ZFHX3: variants seen among roughly 807,000 people sequenced by gnomAD.
ZFHX3 encodes the protein zinc finger homeobox protein 3.
Under a neutral mutation model 279.1 loss-of-function variants are expected in ZFHX3, and 42 were observed. That is an observed-to-expected ratio of 0.15 (90% confidence interval 0.12 to 0.19). The LOEUF is 0.19. Among genes scored for constraint, ZFHX3 ranks in the 10% least tolerant of loss-of-function variants. The probability of loss-of-function intolerance (pLI) is 1.00; values close to 1 mark genes in which losing one functional copy is unlikely to be tolerated. For synonymous variants in ZFHX3, 2,293 were observed against 1,957.8 expected, an observed-to-expected ratio of 1.17 and a Z score of -4.52; for missense variants, 4,981 against 4,754.0, an observed-to-expected ratio of 1.05 and a Z score of -1.40.
chr16:73,395,716 T>C (rs1452731753), intron 3 of ZFHX3, among the ~76,000 whole-genome samples: 1 of 150,548 alleles, frequency 6.6e-6, no homozygotes, highest in African/African-American at 2.4e-5. Context: ...TCATAAGTGA[T>C]TATGTGCCTA....
upstream of ZFHX3, among the ~76,000 whole-genome samples, chr16:73,051,272 C>T (rs1400406411): frequency 6.6e-6 from 1 of 152,158 alleles, no homozygotes; most frequent in East Asian, 1.9e-4. Flanking sequence ...GGGCAAGAAA[C>T]AAAAACAAAC....
chr16:73,306,582 G>A (rs1429167459), intron 4 of ZFHX3, among the ~76,000 whole-genome samples: 7 of 152,136 alleles, frequency 4.6e-5, no homozygotes, highest in Non-Finnish European at 7.3e-5. Context: ...CTTGGCCTCC[G>A]AAAGTGCTGG....
intron 8 of ZFHX3, among the ~76,000 whole-genome samples, chr16:73,064,853 C>T (rs1391923223): frequency 3.3e-5 from 5 of 152,346 alleles, no homozygotes; most frequent in Admixed American, 2.6e-4. Context: ...GTGGCTCTCC[C>T]GGGTTCCACA....
intron 1 of ZFHX3, among the ~76,000 whole-genome samples, chr16:73,844,991 C>T (rs1410181136): frequency 6.6e-6 from 1 of 152,054 alleles, no homozygotes; most frequent in Non-Finnish European, 1.5e-5. Context: ...TAACAAAAGG[C>T]TGCTGGAACC....
At chr16:73,511,233 T>C (rs903694784) in intron 2 of ZFHX3, among the ~76,000 whole-genome samples, 1 of 152,220 alleles carries the variant, frequency 6.6e-6, no homozygotes, top group Admixed American at 6.5e-5. Context: ...TACTATTCAC[T>C]CATAGCAGTG....
chr16:73,886,367 G>T (rs1199534429), intron 1 of ZFHX3, among the ~76,000 whole-genome samples: 1 of 151,994 alleles, frequency 6.6e-6, no homozygotes, highest in African/African-American at 2.4e-5. Flanking sequence ...CCTCAAAAAA[G>T]CTTACATTTG....
chr16:73,648,514 T>C (rs796473948), intron 2 of ZFHX3, among the ~76,000 whole-genome samples: 2 of 152,194 alleles, frequency 1.3e-5, no homozygotes, highest in African/African-American at 4.8e-5. Flanking sequence ...TTCAGCCTCC[T>C]GAGTACCTGG....
chr16:73,370,433 G>C (rs866901127), intron 3 of ZFHX3, among the ~76,000 whole-genome samples: 20 of 152,318 alleles, frequency 1.3e-4, no homozygotes, highest in African/African-American at 4.8e-4. Flanking sequence ...AGAGCTTCAG[G>C]GCAGTGGGGA....
chr16:72,806,564 T>C (rs2036273508), intron 7 of ZFHX3, among the ~76,000 whole-genome samples: 1 of 152,144 alleles, frequency 6.6e-6, no homozygotes, highest in Non-Finnish European at 1.5e-5. Flanking sequence ...CCTCTTAAGA[T>C]ACAGGCAAAG....
intron 1 of ZFHX3, among the ~76,000 whole-genome samples, chr16:73,688,934 T>C (rs748182402): frequency 3.3e-5 from 5 of 152,176 alleles, no homozygotes; most frequent in Non-Finnish European, 7.3e-5. Context: ...TCCACCATGA[T>C]TGTGAGGCCT....
At chr16:73,891,770 CTCTCTT>C (rs1205169870) in exon 1 of ZFHX3, 2 of 142,998 alleles carry the variant, frequency 1.4e-5, no homozygotes, top group African/African-American at 2.5e-5. Flanking sequence ...CTCTCTCTCT[CTCTCTT>C]CCTCCTCCTC....
At chr16:73,599,277 G>A (rs779073541) in intron 2 of ZFHX3, among the ~76,000 whole-genome samples, 6 of 152,170 alleles carry the variant, frequency 3.9e-5, no homozygotes, top group South Asian at 2.1e-4. Flanking sequence ...CCACTCAACC[G>A]GCCTTTTGGA....
chr16:73,844,580 T>A (rs1961395974), intron 1 of ZFHX3, among the ~76,000 whole-genome samples: 1 of 151,872 alleles, frequency 6.6e-6, no homozygotes, highest in African/African-American at 2.4e-5. Flanking sequence ...ACTAAGACCC[T>A]GAGATGATAA....
chr16:73,047,381 G>C (rs1175785972), intron 1 of ZFHX3, among the ~76,000 whole-genome samples: 1 of 152,088 alleles, frequency 6.6e-6, no homozygotes, highest in Non-Finnish European at 1.5e-5. Context: ...ACATTGTTTC[G>C]AACTGACCAG....
Position 72,796,561 on chromosome 16 carries a change from G to A in ZFHX3, c.6121C>T (p.Pro2041Ser), listed in dbSNP as rs1274205202. ...PLRPQTPEPP[P>S]PPPPPPPPPL... Reference sequence around the variant, plus strand: ...GGTGGAGGGGGTGGAGGGGGAGGTGGTGGTGGCTCTGGGGTCTGGGGCCTC... The same window carrying A: ...GGTGGAGGGGGTGGAGGGGGAGGTGATGGTGGCTCTGGGGTCTGGGGCCTC... Residue 2041 changes from proline (P) to serine (S), a missense_variant, in exon 9 of 10, where the codon CCA (proline) becomes TCA (serine). Pro to Ser is a moderately conservative substitution (Grantham distance 74). Coordinates refer to ENST00000268489, the MANE Select transcript of ZFHX3 (RefSeq NM_006885.4). 3.1e-6 allele frequency: 5 copies of A among 1,610,512 alleles called. No homozygotes were observed. The highest frequency in any genetic ancestry group is 4.2e-6 in the Non-Finnish European group (5 of 1,179,534).
chr16:72,997,671 A>C (rs1963345998), intron 1 of ZFHX3, among the ~76,000 whole-genome samples: 1 of 152,226 alleles, frequency 6.6e-6, no homozygotes, highest in South Asian at 2.1e-4. Context: ...CACTGGCCAG[A>C]ATCATAACCC....
At chr16:72,964,951 C>T (rs913937376) in intron 1 of ZFHX3, among the ~76,000 whole-genome samples, 9 of 152,110 alleles carry the variant, frequency 5.9e-5, no homozygotes, top group Admixed American at 1.3e-4. Flanking sequence ...GATCTCAGCT[C>T]ACTGCAACCT....
At chr16:72,865,353 T>C (rs554092211) in intron 4 of ZFHX3, among the ~76,000 whole-genome samples, 6 of 152,300 alleles carry the variant, frequency 3.9e-5, no homozygotes, top group Admixed American at 2.0e-4. Context: ...ACCCTCAATA[T>C]ACACACAAGC....
intron 1 of ZFHX3, among the ~76,000 whole-genome samples, chr16:73,038,229 C>G (rs1252745781): frequency 6.6e-6 from 1 of 151,756 alleles, no homozygotes; most frequent in African/African-American, 2.4e-5. Flanking sequence ...GACTCCCCCA[C>G]CCCCCCAACT....
Sources: allele counts gnomAD v4.1 joint callset (sites outside exome capture counted in the v4.1 genomes callset), GRCh38; gene constraint gnomAD v4.1.1; transcripts MANE v1.5; gene names NCBI Gene and HGNC (gene_info 2026-07-23, HGNC 2026-07-21).